The following MUC4 variants were observed in gnomAD, a reference collection of about 807,000 sequenced individuals.
The protein encoded by MUC4 is mucin-4.
In MUC4, 202 loss-of-function variants were observed where a neutral mutation model predicts 257.9. The ratio of observed to expected loss-of-function variants is 0.78; its 90% CI spans 0.70 to 0.88. The LOEUF (loss-of-function observed/expected upper bound fraction) is 0.88, where lower values mean the gene tolerates loss of function less well. Ranked by LOEUF, MUC4 falls within the 40% of genes least tolerant of loss-of-function variation. The pLI, the probability that MUC4 is intolerant of heterozygous loss-of-function variation, is 0.00. For missense variants in MUC4, 5,976 were observed against 6,513.7 expected, an observed-to-expected ratio of 0.92 and a Z score of 2.84; for synonymous variants, 2,351 against 2,757.1, an observed-to-expected ratio of 0.85 and a Z score of 4.62.
intron 14 of MUC4, 148 bp downstream of exon 14, chr3:195,761,939 G>A (rs1043145036): frequency 2.0e-6 from 2 of 997,474 alleles, no homozygotes; most frequent in Non-Finnish European, 2.9e-6. Context: ...GAAGCCCCTC[G>A]GCTCCCGGCC....
At chr3:195,747,843 A>G (rs181147436) in intron 24 of MUC4, among the ~76,000 whole-genome samples, 1 of 152,274 alleles carries the variant, frequency 6.6e-6, no homozygotes, top group African/African-American at 2.4e-5. Flanking sequence ...CCTGGGGGAC[A>G]GAGCAAGACT....
At chr3:195,761,835 A>G (rs1718994552) in intron 14 of MUC4, among the ~76,000 whole-genome samples, 1 of 151,982 alleles carries the variant, frequency 6.6e-6, no homozygotes. Context: ...GGAAAGGGAG[A>G]AAGGATGGCT....
At chr3:195,774,047 TG>T in intron 4 of MUC4, 124 bp downstream of exon 4, 1 of 1,257,996 alleles carries the variant, frequency 7.9e-7, no homozygotes, top group Non-Finnish European at 1.1e-6. Context: ...AAGGAGGCTG[TG>T]GGGATGGACG....
chr3:195,791,352 G>T lies in MUC4; in HGVS notation c.228C>A (p.Asn76Lys), dbSNP rs375135652. 1.1e-5 allele frequency: 18 copies of T among 1,613,876 alleles called. No individual in the cohort carries two copies. The highest frequency in any genetic ancestry group is 1.4e-5 in the Non-Finnish European group (17 of 1,179,902). Residue 76 changes from asparagine (N) to lysine (K), a missense_variant, in exon 2 of 25, where the codon AAC (asparagine) becomes AAA (lysine). Physicochemically the swap from Asn to Lys is moderately conservative, Grantham distance 94. Coordinates refer to ENST00000463781, the MANE Select transcript of MUC4 (RefSeq NM_018406.7). Reference protein sequence around the residue: ...SNQDISASSQNHQTKSTETTS... With the variant: ...SNQDISASSQKHQTKSTETTS... Reference sequence around the variant, plus strand: ...TGGTCTCCGTGCTCTTAGTCTGGTGGTTCTGAGATGAAGCTGATATGTCCT... The same window carrying T: ...TGGTCTCCGTGCTCTTAGTCTGGTGTTTCTGAGATGAAGCTGATATGTCCT...
rs1162367713 is a variant in MUC4 at position 195,782,618 on chromosome 3, C to T, written c.8962G>A (p.Gly2988Ser). Reference protein sequence around the residue: ...PDTDTSSASTGHATLLPVTDT... With the variant: ...PDTDTSSASTSHATLLPVTDT... The stretch of plus-strand genomic sequence containing the variant: ...GTGACAGGAAGAAGGGTGGCGTGAC[C>T]TGTGGATGCTGAGGAAGTGTCGGTG... Residue 2988 changes from glycine to serine, a missense_variant, in exon 2 of 25, where the codon GGT (glycine) becomes AGT (serine). Transcript: ENST00000463781. 5 of 908,862 alleles carry T rather than the reference C, an allele frequency of 5.5e-6. No homozygotes were observed. Among genetic ancestry groups the T allele is most frequent in the Admixed American group, 2.7e-5 (1 of 37,410 alleles). The allele number at this position is 908,862 out of a possible 1,614,324, so 56.3% of individuals were successfully genotyped here.
intron 1 of MUC4, among the ~76,000 whole-genome samples, chr3:195,798,020 A>AG (rs1734774950): frequency 6.6e-6 from 1 of 152,088 alleles, no homozygotes; most frequent in Non-Finnish European, 1.5e-5. Context: ...TCAGAAGTTG[A>AG]GGGGGGAGGA....
chr3:195,763,432 C>T lies in MUC4; in HGVS notation c.14253+1G>A. On this transcript the variant is annotated splice_donor_variant, in intron 12 of 24. Coordinates refer to ENST00000463781, the MANE Select transcript of MUC4 (RefSeq NM_018406.7). LOFTEE classifies it high-confidence loss of function. ...GGAGGTTCCCGGCACCCCTCACTCA[C>T]CGTGACGGGGCCCAGGCTGCTGGAG... 1 of 1,411,726 alleles carries T rather than the reference C, an allele frequency of 7.1e-7. No homozygotes were observed. Among genetic ancestry groups the T allele is most frequent in the South Asian group, 1.7e-5 (1 of 60,010 alleles). 87.4% of individuals were successfully genotyped at this position (1,411,726 alleles called of 1,614,324 possible). A position where few individuals can be genotyped will look rare whatever the true frequency, so the allele number is the denominator to read the frequency against.
Position 195,786,794 on chromosome 3 carries a change from C to A in MUC4, c.4786G>T (p.Gly1596Cys). 2 of 1,456,752 alleles carry A rather than the reference C, an allele frequency of 1.4e-6. No individual in the cohort carries two copies. The highest frequency in any genetic ancestry group is 1.8e-6 in the Non-Finnish European group (2 of 1,093,798). 90.2% of individuals were successfully genotyped at this position (1,456,752 alleles called of 1,614,324 possible). The change falls in exon 2 of 25, where the codon GGT (glycine) becomes TGT (cysteine). Residue 1596 changes from glycine to cysteine, a missense_variant. Gly to Cys is a radical substitution (Grantham distance 159, BLOSUM62 -3). Around this residue, in one of 44 missense-constraint regions of MUC4, gnomAD observed 3 missense variants for 18.2 expected, o/e 0.16. Transcript: ENST00000463781. ...PVTDTSSASK[G>C]DTTPLPVTSP... ...GTGACAGGAAGAGGGGTGGTGTCACCTTTGGATGCTGAGGAAGTGTCGGTG... is the reference window on the plus strand; with the variant it reads ...GTGACAGGAAGAGGGGTGGTGTCACATTTGGATGCTGAGGAAGTGTCGGTG...
chr3:195,760,645 G>A (rs1040586773), intron 16 of MUC4, among the ~76,000 whole-genome samples: 3 of 136,438 alleles, frequency 2.2e-5, no homozygotes, highest in African/African-American at 1.1e-4. Context: ...ATGGACGGAG[G>A]GGGCTGGGAA....
In MUC4 at chr3:195,782,922, AGC is replaced by A; in HGVS notation, c.8656_8657del (p.Ala2886PhefsTer23). On this transcript the variant is annotated frameshift_variant, in exon 2 of 25. Transcript: ENST00000463781. LOFTEE classifies it high-confidence loss of function. Reference sequence around the variant, plus strand: ...TAGCGTGACCTGTGGACACTGAGGAAGCGTCGGTGACAGGAAGAGGGGTGGCA... The same window carrying A: ...TAGCGTGACCTGTGGACACTGAGGAAGTCGGTGACAGGAAGAGGGGTGGCA... ...GHATPLPVTD[A>X]SSVSTGHATP... The A allele has an allele frequency of 6.7e-7, 1 of 1,502,668 alleles. No individual in the cohort carries two copies. The highest frequency in any genetic ancestry group is 1.2e-5 in the South Asian group (1 of 81,864). 93.1% of individuals were successfully genotyped at this position (1,502,668 alleles called of 1,614,324 possible).
At position 195,786,260 on chromosome 3, in the gene MUC4, C is replaced by CGTGACGTGTGGATACTGAGGAATTGTCG. The variant is rs1731793242; in HGVS notation, c.5319_5320insCGACAATTCCTCAGTATCCACACGTCAC (p.Ala1774ArgfsTer25). 6.8e-7 allele frequency: 1 copy of CGTGACGTGTGGATACTGAGGAATTGTCG among 1,463,068 alleles called. No individual in the cohort carries two copies. The highest frequency in any genetic ancestry group is 1.6e-5 in the African/African-American group (1 of 62,428). The allele number at this position is 1,463,068 out of a possible 1,614,324, so 90.6% of individuals were successfully genotyped here. On this transcript the variant is annotated frameshift_variant, in exon 2 of 25. Transcript: ENST00000463781. LOFTEE classifies it high-confidence loss of function. ...AGGCCGGTGACAGGAAGTGGGGTGG[C>CGTGACGTGTGGATACTGAGGAATTGTCG]GTGAGCTGTGGATACTGAGGAAGTG...
At chr3:195,806,675 G>A (rs991120189) in intron 1 of MUC4, among the ~76,000 whole-genome samples, 3 of 152,168 alleles carry the variant, frequency 2.0e-5, no homozygotes, top group Admixed American at 1.3e-4. Context: ...TCCCTCCGTC[G>A]GTGGGCTGGG....
intron 16 of MUC4, 110 bp downstream of exon 16, chr3:195,760,774 A>G: frequency 1.1e-6 from 1 of 883,540 alleles, no homozygotes; most frequent in Non-Finnish European, 1.9e-6. Context: ...CAGGAGTGGA[A>G]GAATCTGCTC....
chr3:195,796,362 C>T (rs1734581694), intron 1 of MUC4, among the ~76,000 whole-genome samples: 1 of 152,178 alleles, frequency 6.6e-6, no homozygotes. Flanking sequence ...GGATTACAGG[C>T]ATGAGCCACC....
At chr3:195,758,696 G>C (rs1324442000) in intron 17 of MUC4, among the ~76,000 whole-genome samples, 2 of 150,674 alleles carry the variant, frequency 1.3e-5, no homozygotes, top group South Asian at 4.2e-4. Flanking sequence ...CTGAGTAGCT[G>C]GGATTACAGG....
chr3:195,790,052 T>G lies in MUC4; in HGVS notation c.1528A>C (p.Thr510Pro). Residue 510 changes from threonine (T) to proline (P), a missense_variant, in exon 2 of 25, where the codon ACA becomes CCA. This residue lies in a region of MUC4 where 1,583 missense variants were observed against 1,257.4 expected (regional missense o/e 1.26). Transcript: ENST00000463781. Reference sequence around the variant, plus strand: ...GTGACAAGCCTAGTGGCAGCACCTGTTGATGTTGAGGGCAGTTCTGTTTGT... The same window carrying G: ...GTGACAAGCCTAGTGGCAGCACCTGGTGATGTTGAGGGCAGTTCTGTTTGT... Reference protein sequence around the residue: ...WSQTELPSTSTGAATRLVTGN... With the variant: ...WSQTELPSTSPGAATRLVTGN... 1 of 1,613,978 alleles carries G rather than the reference T, an allele frequency of 6.2e-7. No individual in the cohort carries two copies. Among genetic ancestry groups the G allele is most frequent in the South Asian group, 1.1e-5 (1 of 91,080 alleles).
chr3:195,788,909 G>T lies in MUC4; in HGVS notation c.2671C>A (p.Pro891Thr). ...TAGRPTGQSS[P>T]TSPSASPQET... ...TGAGGAGAGGCACTGGGAGAAGTTG[G>T]GCTTGACTGTCCTGTCGGTCTCCCT... is the stretch of plus-strand genomic sequence containing the variant. Residue 891 changes from proline to threonine, a missense_variant, in exon 2 of 25, where the codon CCA (proline) becomes ACA (threonine). By Grantham distance (38) the Pro-to-Thr change is conservative (BLOSUM62 -1). This residue lies in a region of MUC4 where 1,583 missense variants were observed against 1,257.4 expected (regional missense o/e 1.26). Transcript: ENST00000463781. 1 of 1,613,672 alleles carries T rather than the reference G, an allele frequency of 6.2e-7. No individual in the cohort carries two copies. Among genetic ancestry groups the T allele is most frequent in the Non-Finnish European group, 8.5e-7 (1 of 1,179,752 alleles).
chr3:195,805,706 A>G (rs1735900352), intron 1 of MUC4, among the ~76,000 whole-genome samples: 1 of 146,640 alleles, frequency 6.8e-6, no homozygotes, highest in Admixed American at 6.8e-5. Context: ...CATGTTGGCC[A>G]GTCTGGTCTC....
intron 13 of MUC4, 38 bp from the exon 14 acceptor site, chr3:195,762,292 GGCACCACGGCCC>G: frequency 6.5e-7 from 1 of 1,536,518 alleles, no homozygotes; most frequent in East Asian, 2.4e-5. Context: ...AAGCCAGGTC[GGCACCACGGCCC>G]GCACCAAACC....
Sources: allele counts gnomAD v4.1 joint callset (sites outside exome capture counted in the v4.1 genomes callset), GRCh38; gene constraint gnomAD v4.1.1; regional missense constraint gnomAD v4.1.1; transcripts MANE v1.5; gene names NCBI Gene and HGNC (gene_info 2026-07-23, HGNC 2026-07-21).